NSDHL: variants seen among roughly 807,000 people sequenced by gnomAD.
NSDHL encodes the protein sterol-4-alpha-carboxylate 3-dehydrogenase, decarboxylating.
Under a neutral mutation model 23.0 loss-of-function variants are expected in NSDHL, and 1 was observed. That is an observed-to-expected ratio of 0.04 (90% CI 0.02 to 0.21). The LOEUF is 0.21. Ranked by LOEUF, NSDHL falls within the 10% of genes least tolerant of loss-of-function variation. The pLI is 1.00. For missense variants in NSDHL, 237 were observed against 300.9 expected, an observed-to-expected ratio of 0.79 and a Z score of 1.57; for synonymous variants, 128 against 121.1, an observed-to-expected ratio of 1.06 and a Z score of -0.37.
intron 3 of NSDHL, among the ~76,000 whole-genome samples, chrX:152,850,709 C>T (rs946129097): frequency 4.5e-5 from 5 of 112,250 alleles, no homozygotes; most frequent in Non-Finnish European, 7.5e-5. Flanking sequence ...CTTCAAAAGC[C>T]GTCCATGGGC....
chrX:152,859,733 G>T (rs1217245193), intron 4 of NSDHL, among the ~76,000 whole-genome samples: 1 of 112,125 alleles, frequency 8.9e-6, no homozygotes, highest in African/African-American at 3.2e-5. Context: ...ATTCTTTCAG[G>T]CATCTACCCA....
chrX:152,866,911 T>C (rs781865684), intron 6 of NSDHL, among the ~76,000 whole-genome samples: 55 of 111,743 alleles, frequency 4.9e-4, no homozygotes, highest in Non-Finnish European at 7.0e-4. Flanking sequence ...GTGACCCTGT[T>C]TGGAAATTGA....
chrX:152,846,451 C>G lies in NSDHL; in HGVS notation c.108+19C>G. 9.8e-7 allele frequency: 1 copy of G among 1,021,275 alleles called. No homozygotes were observed. The allele number at this position is 1,021,275 out of a possible 1,213,427, so 84.2% of individuals were successfully genotyped here. ...GAATCAGGTAAGGAGAAAGTTGACA[C>G]GTACATACCAACAGGCTGATACTAT... On this transcript the variant is annotated intron_variant, in intron 2 of 7. Transcript: ENST00000370274.
chrX:152,833,479 C>G (rs927988476), intron 1 of NSDHL, among the ~76,000 whole-genome samples: 2 of 110,530 alleles, frequency 1.8e-5, no homozygotes, highest in African/African-American at 6.7e-5. Context: ...CATCTTTCCC[C>G]CCTTGTAACT....
chrX:152,848,706 G>A (rs1226336712), intron 2 of NSDHL, among the ~76,000 whole-genome samples: 3 of 111,794 alleles, frequency 2.7e-5, no homozygotes, highest in Non-Finnish European at 3.8e-5. Context: ...ACTGTCTTTG[G>A]GCTTAGCCAG....
intron 1 of NSDHL, among the ~76,000 whole-genome samples, chrX:152,835,959 A>G (rs782145471): frequency 8.9e-6 from 1 of 112,260 alleles, no homozygotes; most frequent in East Asian, 2.8e-4. Context: ...CCTCTCCAGT[A>G]TCTGTTGTTT....
chrX:152,831,337 G>T (rs1569470581), intron 1 of NSDHL, among the ~76,000 whole-genome samples: 2 of 111,797 alleles, frequency 1.8e-5, no homozygotes, highest in Admixed American at 9.5e-5. Context: ...AGGGGAAGGG[G>T]TGTGCTGAGT....
At chrX:152,865,757 ACT>A in intron 5 of NSDHL, 60 bp from the exon 6 acceptor site, 1 of 1,190,542 alleles carries the variant, frequency 8.4e-7, no homozygotes, top group Non-Finnish European at 1.1e-6. Flanking sequence ...CCAGCGAGGC[ACT>A]CTCTTGGCTT....
chrX:152,852,770 C>T (rs1933378171), intron 3 of NSDHL, among the ~76,000 whole-genome samples: 1 of 110,944 alleles, frequency 9.0e-6, no homozygotes, highest in African/African-American at 3.3e-5. Flanking sequence ...AAGTGCCCAT[C>T]CTGGTGCCAG....
At chrX:152,846,526 G>A in intron 2 of NSDHL, 94 bp downstream of exon 2, 1 of 599,652 alleles carries the variant, frequency 1.7e-6, no homozygotes, top group Non-Finnish European at 2.9e-6. Context: ...TCAATGTTGG[G>A]TATTTTTTAT....
intron 1 of NSDHL, among the ~76,000 whole-genome samples, chrX:152,837,965 A>T (rs1343067824): frequency 4.5e-5 from 5 of 111,629 alleles, no homozygotes; most frequent in Non-Finnish European, 9.4e-5. Flanking sequence ...TTATTGCCTC[A>T]ATTTCAGAGC....
intron 2 of NSDHL, among the ~76,000 whole-genome samples, chrX:152,849,038 G>A (rs1225598616): frequency 8.9e-6 from 1 of 111,789 alleles, no homozygotes; most frequent in African/African-American, 3.3e-5. Flanking sequence ...GATTGCACAT[G>A]GACAGATGAA....
intron 1 of NSDHL, among the ~76,000 whole-genome samples, chrX:152,841,997 C>T (rs1425813350): frequency 8.9e-6 from 1 of 112,378 alleles, no homozygotes; most frequent in African/African-American, 3.2e-5. Flanking sequence ...ATTTCACTGA[C>T]CATAATGTTC....
chrX:152,841,230 G>C (rs1201615539), intron 1 of NSDHL, among the ~76,000 whole-genome samples: 2 of 112,786 alleles, frequency 1.8e-5, no homozygotes, highest in African/African-American at 6.4e-5. Context: ...CCTTGGCTAG[G>C]AAAGGGAAAT....
intron 1 of NSDHL, among the ~76,000 whole-genome samples, chrX:152,840,248 A>G (rs781916345): frequency 4.5e-4 from 50 of 112,052 alleles, no homozygotes; most frequent in Non-Finnish European, 8.1e-4. Context: ...GGGTTAGAAC[A>G]TGTTCCTTTA....
rs1933659994 is a variant in NSDHL, at chrX:152,868,957, G to C, written c.963G>C (p.Gln321His). Residue 321 changes from glutamine (Q) to histidine (H), a missense_variant, in exon 8 of 8, where the codon CAG becomes CAC. Transcript: ENST00000370274. ...TGATCAGTCCTGTCATCCAGCTGCA[G>C]CCCACCTTCACACCCATGCGGGTCG... is the stretch of plus-strand genomic sequence containing the variant. ...VMVISPVIQL[Q>H]PTFTPMRVAL... 5 of 1,210,549 alleles carry C rather than the reference G, an allele frequency of 4.1e-6. No individual in the cohort carries two copies. The Middle Eastern group carries it at 6.9e-4, about 166-fold the overall frequency.
At chrX:152,836,619 G>C (rs1392590030) in intron 1 of NSDHL, among the ~76,000 whole-genome samples, 1 of 111,948 alleles carries the variant, frequency 8.9e-6, no homozygotes, top group African/African-American at 3.3e-5. Context: ...TTGTAGATGT[G>C]TGGTGTTATT....
Position 152,857,757 on chromosome X carries a change from T to G in NSDHL, c.268-1013T>G, listed in dbSNP as rs1259237750. Among the ~76,000 whole-genome samples, 3 of 111,738 alleles carry G rather than the reference T, an allele frequency of 2.7e-5. No homozygotes were observed. The East Asian group carries it at 8.4e-4, about 31-fold the overall frequency. On this transcript the variant is annotated intron_variant, in intron 3 of 7. Coordinates refer to ENST00000370274, the MANE Select transcript of NSDHL (RefSeq NM_015922.3). ...TAAGTTTCTTGAGTGTGATCATTGT[T>G]TTATGGTTATTTAGGAGAATGCTTT...
chrX:152,854,073 A>C (rs782537345), intron 3 of NSDHL, among the ~76,000 whole-genome samples: 1 of 112,295 alleles, frequency 8.9e-6, no homozygotes, highest in Admixed American at 9.4e-5. Context: ...GGAGACGAGA[A>C]TCCTTAGCAA....
Sources: gnomAD v4.1 joint callset for allele counts (sites outside exome capture counted in the v4.1 genomes callset) on GRCh38, gnomAD v4.1.1 for gene constraint, MANE v1.5 for transcripts, NCBI Gene and HGNC (gene_info 2026-07-23, HGNC 2026-07-21) for gene names.